SGCZ: variants seen among roughly 807,000 people sequenced by gnomAD.
The protein encoded by SGCZ is sarcoglycan zeta, also known as zeta-sarcoglycan.
In SGCZ, 40 loss-of-function variants were observed where a neutral mutation model predicts 41.3. The ratio of observed to expected loss-of-function variants is 0.97; its 90% CI spans 0.75 to 1.26. SGCZ has a LOEUF of 1.26. Ranked by LOEUF, SGCZ falls within the 50% of genes most tolerant of loss-of-function variation. SGCZ has a pLI of 0.00. For synonymous variants in SGCZ, 206 were observed against 137.5 expected (o/e 1.50, Z -3.49); for missense variants, 552 against 369.8 (o/e 1.49, Z -4.04).
chr8:14,113,154 T>A (rs1273253927), intron 5 of SGCZ, among the ~76,000 whole-genome samples: 1 of 152,136 alleles, frequency 6.6e-6, no homozygotes, highest in East Asian at 1.9e-4. Flanking sequence ...ATATCTCACC[T>A]GTGCAAAAAG....
At chr8:14,832,525 T>A (rs1159292147) in intron 1 of SGCZ, among the ~76,000 whole-genome samples, 1 of 152,204 alleles carries the variant, frequency 6.6e-6, no homozygotes, top group African/African-American at 2.4e-5. Flanking sequence ...AATCTTTTCC[T>A]TCTGTGTAAA....
intron 1 of SGCZ, among the ~76,000 whole-genome samples, chr8:14,947,693 A>G (rs893157470): frequency 1.3e-5 from 2 of 152,212 alleles, no homozygotes; most frequent in Non-Finnish European, 2.9e-5. Context: ...TTAATCCATT[A>G]TAGATGACAC....
In SGCZ at chr8:14,236,048, C is replaced by T. The variant is rs560109001; in HGVS notation, c.424+1544G>A. Among the ~76,000 whole-genome samples the T allele has an allele frequency of 2.0e-4, 30 of 152,282 alleles. 1 individual carries two copies. The South Asian group carries it at 3.7e-3, about 19-fold the overall frequency. On this transcript the variant is annotated intron_variant, in intron 4 of 7. Transcript: ENST00000382080. The stretch of plus-strand genomic sequence containing the variant: ...TATATCAAGGACTGAATGCAAAAGG[C>T]AGTTCTATCTGGCTGAAGAGTTCTC...
intron 1 of SGCZ, among the ~76,000 whole-genome samples, chr8:14,874,459 G>C (rs972470678): frequency 1.3e-5 from 2 of 152,044 alleles, no homozygotes; most frequent in African/African-American, 4.8e-5. Context: ...AATCCTTGGG[G>C]ATGGGAGATG....
intron 2 of SGCZ, among the ~76,000 whole-genome samples, chr8:14,431,462 A>C (rs1484997075): frequency 8.8e-6 from 1 of 113,734 alleles, no homozygotes; most frequent in African/African-American, 2.6e-5. Context: ...TTCAACAATT[A>C]GTGCTGGGAA....
chr8:14,641,350 C>A (rs1228182529), intron 1 of SGCZ, among the ~76,000 whole-genome samples: 1 of 151,712 alleles, frequency 6.6e-6, no homozygotes, highest in Admixed American at 6.6e-5. Flanking sequence ...AGCTGCTTCT[C>A]ATACAGTTTA....
At chr8:14,529,912 G>A (rs1056898440) in intron 2 of SGCZ, among the ~76,000 whole-genome samples, 1 of 152,024 alleles carries the variant, frequency 6.6e-6, no homozygotes, top group Non-Finnish European at 1.5e-5. Flanking sequence ...TTTGAAATTG[G>A]ATCCATTTGA....
At chr8:14,915,926 A>C (rs1341327792) in intron 1 of SGCZ, among the ~76,000 whole-genome samples, 1 of 152,200 alleles carries the variant, frequency 6.6e-6, no homozygotes, top group Non-Finnish European at 1.5e-5. Flanking sequence ...TAGCCGTTTC[A>C]ATATTTTTTG....
At chr8:14,791,726 T>C (rs1354566818) in intron 1 of SGCZ, among the ~76,000 whole-genome samples, 1 of 152,218 alleles carries the variant, frequency 6.6e-6, no homozygotes, top group Non-Finnish European at 1.5e-5. Flanking sequence ...TATTGCTCTG[T>C]AGTTCTGATC....
chr8:15,218,776 G>A (rs1801498707), intron 1 of SGCZ, among the ~76,000 whole-genome samples: 1 of 152,158 alleles, frequency 6.6e-6, no homozygotes, highest in Non-Finnish European at 1.5e-5. Flanking sequence ...AAACATTGAT[G>A]ACTGTACCCA....
At chr8:14,635,916 T>C (rs1258708806) in intron 1 of SGCZ, among the ~76,000 whole-genome samples, 1 of 151,934 alleles carries the variant, frequency 6.6e-6, no homozygotes, top group Non-Finnish European at 1.5e-5. Flanking sequence ...ATCATTATAA[T>C]GCTGCCGATA....
chr8:14,995,083 G>A (rs1334959800), intron 1 of SGCZ, among the ~76,000 whole-genome samples: 1 of 152,272 alleles, frequency 6.6e-6, no homozygotes, highest in African/African-American at 2.4e-5. Context: ...GTCCAGGGAG[G>A]TCTCTAGGAG....
chr8:14,642,450 T>C (rs529246814), intron 1 of SGCZ, among the ~76,000 whole-genome samples: 8 of 151,524 alleles, frequency 5.3e-5, no homozygotes, highest in Non-Finnish European at 8.9e-5. Context: ...TCAAGTGTTA[T>C]AGAGAGTTAC....
chr8:14,109,973 C>T (rs777507110), intron 5 of SGCZ, among the ~76,000 whole-genome samples: 4 of 152,070 alleles, frequency 2.6e-5, no homozygotes, highest in Non-Finnish European at 4.4e-5. Context: ...TCTGTCGCTC[C>T]TGAGACTCTG....
At chr8:14,606,077 A>G (rs1805739293) in intron 1 of SGCZ, among the ~76,000 whole-genome samples, 1 of 152,116 alleles carries the variant, frequency 6.6e-6, no homozygotes, top group Admixed American at 6.6e-5. Flanking sequence ...AAAATATAAC[A>G]CTAATATATC....
In SGCZ at chr8:14,714,325, G is replaced by C. The variant is rs146411470; in HGVS notation, c.40-159399C>G. ...TGAAACAAACTTTTAAAAGTTTATA[G>C]AAGTTAAAAAAAGTAACAGTATCAT... On this transcript the variant is annotated intron_variant, in intron 1 of 7. Transcript: ENST00000382080. 1.8e-4 allele frequency among the ~76,000 whole-genome samples: 27 copies of C among 152,034 alleles called. 1 individual carries two copies. Among genetic ancestry groups the C allele is most frequent in the Non-Finnish European group, 3.4e-4 (23 of 68,022 alleles).
At chr8:14,646,574 C>T (rs140260966) in intron 1 of SGCZ, among the ~76,000 whole-genome samples, 63 of 151,856 alleles carry the variant, frequency 4.1e-4, no homozygotes, top group African/African-American at 1.4e-3. Flanking sequence ...GATATACATC[C>T]GGTAATAGTT....
intron 3 of SGCZ, among the ~76,000 whole-genome samples, chr8:14,302,980 G>A (rs921906372): frequency 3.9e-5 from 6 of 152,080 alleles, no homozygotes; most frequent in African/African-American, 1.2e-4. Context: ...TTCTTACACT[G>A]AGCACTTGCT....
At chr8:14,343,991 G>A (rs1044574597) in intron 2 of SGCZ, among the ~76,000 whole-genome samples, 2 of 151,712 alleles carry the variant, frequency 1.3e-5, no homozygotes, top group Non-Finnish European at 2.9e-5. Context: ...TATATAAGAG[G>A]ATACAAAATT....
Sources: allele counts gnomAD v4.1 joint callset (sites outside exome capture counted in the v4.1 genomes callset), GRCh38; gene constraint gnomAD v4.1.1; transcripts MANE v1.5; gene names NCBI Gene and HGNC (gene_info 2026-07-23, HGNC 2026-07-21).